Variants in ANO10 observed in about 807,000 individuals in gnomAD.
The protein encoded by ANO10 is anoctamin 10.
In ANO10, 77 loss-of-function variants were observed where a neutral mutation model predicts 74.7. The observed-to-expected ratio is 1.03, with a 90% CI of 0.86 to 1.25. The LOEUF (loss-of-function observed/expected upper bound fraction) is 1.25. ANO10 is among the 50% of genes most tolerant of loss of function. The pLI is 0.00. For missense variants in ANO10, 721 were observed against 778.1 expected (o/e 0.93, Z 0.87); for synonymous variants, 279 against 284.9 (o/e 0.98, Z 0.21).
chr3:43,453,455 AG>A (rs2074975549), intron 11 of ANO10, among the ~76,000 whole-genome samples: 1 of 152,200 alleles, frequency 6.6e-6, no homozygotes, highest in Non-Finnish European at 1.5e-5. Context: ...CTGGGATTAC[AG>A]GCATGAGCCA....
intron 10 of ANO10, among the ~76,000 whole-genome samples, chr3:43,550,260 C>T (rs1393893149): frequency 6.6e-6 from 1 of 152,168 alleles, no homozygotes; most frequent in Non-Finnish European, 1.5e-5. Context: ...TTTGACATCA[C>T]ACACCACATC....
chr3:43,568,039 C>A (rs1031113762), intron 7 of ANO10, among the ~76,000 whole-genome samples: 14 of 151,836 alleles, frequency 9.2e-5, no homozygotes, highest in Admixed American at 2.6e-4. Context: ...CAATCCTAGT[C>A]TCTGATAAAA....
intron 4 of ANO10, among the ~76,000 whole-genome samples, chr3:43,596,450 A>T (rs982654989): frequency 2.0e-5 from 3 of 152,194 alleles, no homozygotes; most frequent in Non-Finnish European, 4.4e-5. Flanking sequence ...GCCCTCAGAA[A>T]TAATGCCACA....
intron 1 of ANO10, among the ~76,000 whole-genome samples, chr3:43,651,595 G>A (rs545978758): frequency 6.6e-6 from 1 of 152,298 alleles, no homozygotes; most frequent in East Asian, 1.9e-4. Context: ...AAAAGATGAT[G>A]AATTCCTTAA....
rs185804250 is a variant in ANO10 at position 43,563,079 on chromosome 3, T to C, written c.1294-1677A>G. Among the ~76,000 whole-genome samples the C allele has an allele frequency of 3.5e-3, 535 of 152,282 alleles. 1 individual carries two copies. Among genetic ancestry groups the C allele is most frequent in the Middle Eastern group, 0.01 (3 of 294 alleles). On this transcript the variant is annotated intron_variant, in intron 8 of 12. Coordinates refer to ENST00000292246, the MANE Select transcript of ANO10 (RefSeq NM_018075.5). ...GCAGACTACTCATCTGACAAGGAAC[T>C]AATACCTAGAATACCAGAATATACA...
chr3:43,560,313 C>G (rs567381642), intron 9 of ANO10, among the ~76,000 whole-genome samples: 2 of 152,132 alleles, frequency 1.3e-5, no homozygotes, highest in East Asian at 3.9e-4. Context: ...TCAGTGGGGG[C>G]AACTGCAAAA....
chr3:43,619,685 A>G (rs1176819201), intron 1 of ANO10, among the ~76,000 whole-genome samples: 1 of 150,640 alleles, frequency 6.6e-6, no homozygotes, highest in Non-Finnish European at 1.5e-5. Context: ...CCCTGTCTCT[A>G]CAATAAATAC....
chr3:43,503,466 G>A (rs1457331296), intron 11 of ANO10, among the ~76,000 whole-genome samples: 3 of 152,160 alleles, frequency 2.0e-5, no homozygotes, highest in Non-Finnish European at 4.4e-5. Context: ...GATCAAATGT[G>A]ATGGCTCCAA....
intron 4 of ANO10, among the ~76,000 whole-genome samples, chr3:43,591,735 CT>C (rs2081771097): frequency 6.6e-6 from 1 of 152,202 alleles, no homozygotes; most frequent in African/African-American, 2.4e-5. Flanking sequence ...CTCACTGGGG[CT>C]CGTTGGACGG....
intron 5 of ANO10, among the ~76,000 whole-genome samples, chr3:43,578,749 CAAA>C (rs56186109): frequency 8.4e-4 from 54 of 64,408 alleles, no homozygotes; most frequent in African/African-American, 2.6e-3. Flanking sequence ...GACTCCATCT[CAAA>C]AAAAAAAAAA....
At chr3:43,538,498 T>G (rs1364342991) in intron 11 of ANO10, among the ~76,000 whole-genome samples, 1 of 152,142 alleles carries the variant, frequency 6.6e-6, no homozygotes, top group Non-Finnish European at 1.5e-5. Flanking sequence ...AAGGATACCT[T>G]AAAGAACAGG....
chr3:43,682,304 G>A (rs551075336), intron 1 of ANO10, among the ~76,000 whole-genome samples: 10 of 152,084 alleles, frequency 6.6e-5, no homozygotes, highest in African/African-American at 9.6e-5. Flanking sequence ...ATAAACACCC[G>A]TATGCAAATA....
intron 11 of ANO10, among the ~76,000 whole-genome samples, chr3:43,543,182 A>G (rs1472460919): frequency 1.3e-5 from 2 of 152,160 alleles, no homozygotes; most frequent in African/African-American, 4.8e-5. Flanking sequence ...GAGAGAGAGG[A>G]AGAACACATG....
chr3:43,416,540 G>A (rs1161254756), intron 12 of ANO10, among the ~76,000 whole-genome samples: 1 of 152,174 alleles, frequency 6.6e-6, no homozygotes, highest in Non-Finnish European at 1.5e-5. Flanking sequence ...GGAAAAGGAG[G>A]AGAAGATGTA....
chr3:43,524,947 C>T (rs548423999), intron 11 of ANO10, among the ~76,000 whole-genome samples: 2 of 152,192 alleles, frequency 1.3e-5, no homozygotes, highest in Non-Finnish European at 2.9e-5. Flanking sequence ...AGAACCACTG[C>T]AGTTACCACC....
chr3:43,453,818 C>T (rs1291300371), intron 11 of ANO10, among the ~76,000 whole-genome samples: 2 of 152,108 alleles, frequency 1.3e-5, no homozygotes, highest in Non-Finnish European at 2.9e-5. Flanking sequence ...TAAGTCTGTC[C>T]TTATGCCGGT....
At chr3:43,499,650 T>A (rs1333512737) in intron 11 of ANO10, among the ~76,000 whole-genome samples, 1 of 151,752 alleles carries the variant, frequency 6.6e-6, no homozygotes. Flanking sequence ...CATTCTCCCA[T>A]ATACCACCAA....
chr3:43,457,690 T>C (rs2075193749), intron 11 of ANO10, among the ~76,000 whole-genome samples: 1 of 152,222 alleles, frequency 6.6e-6, no homozygotes, highest in Admixed American at 6.5e-5. Flanking sequence ...AATACATGTA[T>C]GTTTCCTATA....
chr3:43,614,057 G>A lies in ANO10; in HGVS notation c.-12+7852C>T, dbSNP rs572181957. Among the ~76,000 whole-genome samples the A allele has an allele frequency of 2.2e-4, 34 of 152,208 alleles. No homozygotes were observed. In the South Asian group the frequency reaches 3.7e-3, roughly 17 times the overall value. ...TTGGATATGGGAAGAATAACTATGC[G>A]TGAAAAAAATAGCAAAGTTGGAAAG... is the stretch of plus-strand genomic sequence containing the variant. On this transcript the variant is annotated intron_variant, in intron 1 of 12. Coordinates refer to ENST00000292246, the MANE Select transcript of ANO10 (RefSeq NM_018075.5).
Sources: gnomAD v4.1 joint callset for allele counts (sites outside exome capture counted in the v4.1 genomes callset) on GRCh38, gnomAD v4.1.1 for gene constraint, MANE v1.5 for transcripts, NCBI Gene and HGNC (gene_info 2026-07-23, HGNC 2026-07-21) for gene names.